Variants in AKR1E2 observed in about 807,000 individuals in gnomAD.
AKR1E2 encodes 1,5-anhydro-D-fructose reductase.
AKR1E2 carries 43 observed loss-of-function variants against 41.9 expected under a neutral mutation model. That is an observed-to-expected ratio of 1.03 (90% confidence interval 0.80 to 1.32). AKR1E2 has a LOEUF of 1.32. AKR1E2 is among the 40% of genes most tolerant of loss of function. The probability of loss-of-function intolerance (pLI) is 0.00; values close to 1 mark genes in which losing one functional copy is unlikely to be tolerated. For synonymous variants in AKR1E2, 121 were observed against 138.9 expected (o/e 0.87, Z 0.91); for missense variants, 423 against 396.5 (o/e 1.07, Z -0.57).
chr10:4,842,398 G>C (rs1833962168), intron 7 of AKR1E2, 23 bp from the exon 8 acceptor site: 10 of 1,609,470 alleles, frequency 6.2e-6, no homozygotes, highest in Non-Finnish European at 7.7e-6. Context: ...TTGTGTGATA[G>C]TAGACTTTTT....
At chr10:4,854,140 C>T in the AKR1E2 span, among the ~76,000 whole-genome samples, 1,171 of 144,442 alleles carry the variant, frequency 8.1e-3, 18 homozygotes, top group African/African-American at 0.029. Context: ...GCTGCCAAGG[C>T]TGGAGTATAG....
intron 8 of AKR1E2, among the ~76,000 whole-genome samples, chr10:4,842,883 G>C (rs1003576162): frequency 1.3e-5 from 2 of 152,196 alleles, no homozygotes; most frequent in African/African-American, 4.8e-5. Flanking sequence ...GAGGCAGTTG[G>C]TGGACAGGTC....
chr10:4,868,732 G>C, the AKR1E2 span, among the ~76,000 whole-genome samples: 1 of 152,116 alleles, frequency 6.6e-6, no homozygotes, highest in Non-Finnish European at 1.5e-5. Flanking sequence ...TTTTCTGAAA[G>C]TTTTAATTAT....
rs548108585 is a variant in AKR1E2 at position 4,839,753 on chromosome 10, CA to C, written c.608del (p.Gln203ArgfsTer4). The C allele has an allele frequency of 2.7e-4, 442 of 1,614,070 alleles. 7 individuals are homozygous for C. In the South Asian group the frequency reaches 3.8e-3, roughly 14 times the overall value. On this transcript the variant is annotated frameshift_variant, in exon 6 of 10. Transcript: ENST00000298375. LOFTEE classifies it high-confidence loss of function. ...NQIECHPYLTQKNLISFCQSR... is the reference protein window; with the variant it reads ...NQIECHPYLTXKNLISFCQSR... ...GATTGAGTGCCACCCATATCTTACT[CA>C]GAAGAATCTGATCAGTTTTTGCCAA...
the AKR1E2 span, among the ~76,000 whole-genome samples, chr10:4,857,412 C>G: frequency 2.6e-4 from 40 of 152,150 alleles, no homozygotes; most frequent in Non-Finnish European, 5.3e-4. Context: ...CCCACACACA[C>G]ATCTTCTCTG....
chr10:4,828,985 A>T (rs959962207), intron 1 of AKR1E2, among the ~76,000 whole-genome samples: 1 of 147,402 alleles, frequency 6.8e-6, no homozygotes, highest in Middle Eastern at 3.4e-3. Flanking sequence ...TGATCATATC[A>T]TCAGCAAATA....
the AKR1E2 span, among the ~76,000 whole-genome samples, chr10:4,868,619 A>G: frequency 2.6e-5 from 4 of 152,182 alleles, no homozygotes; most frequent in Non-Finnish European, 5.9e-5. Flanking sequence ...CTGAGAGTGG[A>G]CATCCTTGCT....
the AKR1E2 span, among the ~76,000 whole-genome samples, chr10:4,853,680 C>CA: frequency 6.6e-6 from 1 of 151,868 alleles, no homozygotes; most frequent in Admixed American, 6.6e-5. Flanking sequence ...GGACAACTGT[C>CA]AGAGGCATTT....
the AKR1E2 span, among the ~76,000 whole-genome samples, chr10:4,864,610 G>A: frequency 6.6e-6 from 1 of 152,140 alleles, no homozygotes; most frequent in Non-Finnish European, 1.5e-5. Context: ...TCTGGCCAGG[G>A]CAATCAGGCA....
intron 6 of AKR1E2, 32 bp downstream of exon 6, chr10:4,839,858 G>A (rs903920192): frequency 6.3e-7 from 1 of 1,583,196 alleles, no homozygotes; most frequent in Non-Finnish European, 8.7e-7. Flanking sequence ...GTTAGTCAGA[G>A]TCCGACTGGG....
intron 8 of AKR1E2, among the ~76,000 whole-genome samples, chr10:4,844,092 G>A (rs1564275132): frequency 1.3e-5 from 2 of 152,186 alleles, no homozygotes; most frequent in African/African-American, 2.4e-5. Context: ...GAATGAAGCC[G>A]CGGACCCTTG....
At chr10:4,869,597 G>T in the AKR1E2 span, among the ~76,000 whole-genome samples, 1 of 151,398 alleles carries the variant, frequency 6.6e-6, no homozygotes, top group Non-Finnish European at 1.5e-5. Context: ...CTAGGTTCTT[G>T]AGATAAGAGC....
intron 4 of AKR1E2, among the ~76,000 whole-genome samples, chr10:4,836,861 G>A: frequency 6.6e-6 from 1 of 152,214 alleles, no homozygotes. Flanking sequence ...ACTTGCTGCT[G>A]ACTACGGACC....
the AKR1E2 span, among the ~76,000 whole-genome samples, chr10:4,872,277 A>C: frequency 6.6e-6 from 1 of 152,200 alleles, no homozygotes; most frequent in Non-Finnish European, 1.5e-5. Context: ...AACAATGCTT[A>C]GTCTGATTTA....
the AKR1E2 span, among the ~76,000 whole-genome samples, chr10:4,857,656 C>T: frequency 7.2e-5 from 11 of 152,090 alleles, no homozygotes; most frequent in East Asian, 1.9e-4. Flanking sequence ...TATATATACC[C>T]GCTATATGCC....
the AKR1E2 span, among the ~76,000 whole-genome samples, chr10:4,863,825 G>C: frequency 6.6e-6 from 1 of 152,076 alleles, no homozygotes; most frequent in African/African-American, 2.4e-5. Flanking sequence ...AGAGAATACT[G>C]TAAACACCTC....
intron 4 of AKR1E2, among the ~76,000 whole-genome samples, chr10:4,836,622 G>A (rs1212673850): frequency 6.6e-6 from 1 of 152,170 alleles, no homozygotes; most frequent in Admixed American, 6.5e-5. Context: ...ACAGGGAGGA[G>A]TCCCAGGCTA....
At chr10:4,825,467 C>G (rs1345211425), upstream of AKR1E2, among the ~76,000 whole-genome samples, 1 of 152,128 alleles carries the variant, frequency 6.6e-6, no homozygotes, top group Non-Finnish European at 1.5e-5. Flanking sequence ...TCCAGTCCAC[C>G]CCATCCACTT....
intron 6 of AKR1E2, among the ~76,000 whole-genome samples, chr10:4,841,127 T>A (rs1182688618): frequency 6.6e-6 from 1 of 152,088 alleles, no homozygotes; most frequent in Non-Finnish European, 1.5e-5. Flanking sequence ...GTCAGGGAGC[T>A]CTCAGACTGA....
Sources: allele counts gnomAD v4.1 joint callset (sites outside exome capture counted in the v4.1 genomes callset), GRCh38; gene constraint gnomAD v4.1.1; transcripts MANE v1.5; gene names NCBI Gene and HGNC (gene_info 2026-07-23, HGNC 2026-07-21).